The following CEP112 variants were observed in gnomAD, a reference collection of about 807,000 sequenced individuals.
CEP112 encodes the protein centrosomal protein of 112 kDa.
CEP112 carries 127 observed loss-of-function variants against 153.0 expected under a neutral mutation model. That is an observed-to-expected ratio of 0.83 (90% CI 0.72 to 0.96). CEP112 has a LOEUF of 0.96. Ranked by LOEUF, CEP112 falls within the 40% of genes least tolerant of loss-of-function variation. The pLI is 0.00. For synonymous variants in CEP112, 358 were observed against 374.4 expected (o/e 0.96, Z 0.51); for missense variants, 1,089 against 1,101.2 (o/e 0.99, Z 0.16).
At chr17:66,148,250 T>C (rs889293461) in intron 4 of CEP112, among the ~76,000 whole-genome samples, 1 of 152,124 alleles carries the variant, frequency 6.6e-6, no homozygotes, top group African/African-American at 2.4e-5. Context: ...AAGAACAGTA[T>C]GGAGGAAACA....
chr17:65,926,983 G>A (rs911236574), intron 19 of CEP112, among the ~76,000 whole-genome samples: 2 of 152,176 alleles, frequency 1.3e-5, no homozygotes, highest in African/African-American at 4.8e-5. Flanking sequence ...ATCTCATGTT[G>A]AAATGTAATC....
At chr17:65,728,568 T>C (rs900921162) in intron 23 of CEP112, among the ~76,000 whole-genome samples, 2 of 152,184 alleles carry the variant, frequency 1.3e-5, no homozygotes, top group African/African-American at 4.8e-5. Context: ...CCAGTGGTAC[T>C]TGAGTAAATG....
chr17:65,874,609 T>G (rs1330150100), intron 20 of CEP112, among the ~76,000 whole-genome samples: 2 of 152,132 alleles, frequency 1.3e-5, no homozygotes, highest in Non-Finnish European at 2.9e-5. Flanking sequence ...TTTGCTTCTC[T>G]CTTAAAATTT....
At chr17:65,667,114 G>A (rs2046733834) in intron 24 of CEP112, among the ~76,000 whole-genome samples, 1 of 152,170 alleles carries the variant, frequency 6.6e-6, no homozygotes, top group African/African-American at 2.4e-5. Flanking sequence ...TGGTGCTGGT[G>A]GGGCTGGGTC....
At chr17:66,167,238 AG>A (rs1278390549) in intron 4 of CEP112, among the ~76,000 whole-genome samples, 1 of 152,160 alleles carries the variant, frequency 6.6e-6, no homozygotes, top group Non-Finnish European at 1.5e-5. Flanking sequence ...TAATTAGGGA[AG>A]CAAAAGCATG....
intron 12 of CEP112, among the ~76,000 whole-genome samples, chr17:66,049,405 T>G (rs768058267): frequency 6.6e-5 from 10 of 152,198 alleles, no homozygotes; most frequent in Non-Finnish European, 1.0e-4. Flanking sequence ...ATTCTGAAGA[T>G]AAATTATGAG....
At position 65,756,887 on chromosome 17, in the gene CEP112, G is replaced by GGAGT. The variant is rs1193746399; in HGVS notation, c.2395-6167_2395-6164dup. Among the ~76,000 whole-genome samples, 7 of 152,246 alleles carry GGAGT rather than the reference G, an allele frequency of 4.6e-5. 1 individual carries two copies. The highest frequency in any genetic ancestry group is 1.7e-4 in the African/African-American group (7 of 41,532). ...TGAGTTAAGGGGAGGGCTATGTCAT[G>GGAGT]GAGTGAACTGTGTCCTCCCCAAATT... is the stretch of plus-strand genomic sequence containing the variant. On this transcript the variant is annotated intron_variant, in intron 21 of 26. Coordinates refer to ENST00000535342, the MANE Select transcript of CEP112 (RefSeq NM_001199165.4).
At chr17:65,852,964 C>A (rs1193028105) in intron 20 of CEP112, among the ~76,000 whole-genome samples, 1 of 152,082 alleles carries the variant, frequency 6.6e-6, no homozygotes, top group East Asian at 1.9e-4. Flanking sequence ...TTTTCATTAT[C>A]GTTTAGTTCA....
intron 24 of CEP112, chr17:65,644,484 G>A (rs562790395): frequency 1.9e-4 from 67 of 354,582 alleles, no homozygotes; most frequent in African/African-American, 1.3e-3. Context: ...AAACTGGATG[G>A]CAGCCAGCTC....
intron 21 of CEP112, among the ~76,000 whole-genome samples, chr17:65,791,333 C>T (rs190058029): frequency 3.9e-4 from 60 of 152,240 alleles, no homozygotes; most frequent in African/African-American, 1.3e-3. Flanking sequence ...AGGAGAAAAA[C>T]GCTTTTGAGC....
At chr17:66,096,975 C>T (rs2068373942) in intron 6 of CEP112, among the ~76,000 whole-genome samples, 1 of 152,178 alleles carries the variant, frequency 6.6e-6, no homozygotes, top group South Asian at 2.1e-4. Context: ...GCCTGTCCAC[C>T]TCTGAATTTC....
intron 18 of CEP112, among the ~76,000 whole-genome samples, chr17:65,930,346 A>G (rs1475898309): frequency 6.6e-6 from 1 of 152,262 alleles, no homozygotes; most frequent in African/African-American, 2.4e-5. Flanking sequence ...TCTAGGAACA[A>G]AGATGTTCAG....
chr17:66,112,544 T>C (rs1308028620), intron 6 of CEP112, among the ~76,000 whole-genome samples: 3 of 152,192 alleles, frequency 2.0e-5, no homozygotes, highest in Non-Finnish European at 4.4e-5. Context: ...GAAACACTAC[T>C]AGTGGGTACA....
rs904397100 is a variant in CEP112 at position 65,783,732 on chromosome 17, C to A, written c.2395-33008G>T. On this transcript the variant is annotated intron_variant, in intron 21 of 26. Transcript: ENST00000535342. Reference sequence around the variant, plus strand: ...GCCCATACAAAACATGTCTTATTTCCCCGTTCAGTTGACAAAAATAAGGTG... The same window carrying A: ...GCCCATACAAAACATGTCTTATTTCACCGTTCAGTTGACAAAAATAAGGTG... Among the ~76,000 whole-genome samples, 2 of 152,032 alleles carry A rather than the reference C, an allele frequency of 1.3e-5. 1 individual carries two copies. Among genetic ancestry groups the A allele is most frequent in the South Asian group, 4.2e-4 (2 of 4,812 alleles).
chr17:66,069,836 G>A (rs1200775963), intron 9 of CEP112, 79 bp downstream of exon 9: 2 of 741,896 alleles, frequency 2.7e-6, no homozygotes, highest in Non-Finnish European at 4.4e-6. Context: ...AAGAATGGAT[G>A]GATAACTGGA....
chr17:65,644,045 G>C (rs1015134499), intron 24 of CEP112, among the ~76,000 whole-genome samples: 1 of 152,092 alleles, frequency 6.6e-6, no homozygotes, highest in Admixed American at 6.5e-5. Context: ...TCTGCCTCTT[G>C]GTGTCAATGA....
intron 24 of CEP112, chr17:65,654,940 A>G (rs2045981250): frequency 1.6e-6 from 1 of 634,054 alleles, no homozygotes; most frequent in African/African-American, 1.8e-5. Flanking sequence ...TCCATCCTAA[A>G]GCACAAATTA....
At chr17:65,666,410 G>A (rs140899842) in intron 24 of CEP112, among the ~76,000 whole-genome samples, 1,586 of 152,278 alleles carry the variant, frequency 0.01, 11 homozygotes, top group Middle Eastern at 0.075. Context: ...CATTACTGAC[G>A]ATCTGCTGAT....
At chr17:65,681,061 G>A (rs1198399579) in intron 24 of CEP112, among the ~76,000 whole-genome samples, 1 of 152,178 alleles carries the variant, frequency 6.6e-6, no homozygotes, top group Non-Finnish European at 1.5e-5. Flanking sequence ...GTGCTGCAAA[G>A]GCACAGATAG....
Sources: gnomAD v4.1 joint callset for allele counts (sites outside exome capture counted in the v4.1 genomes callset) on GRCh38, gnomAD v4.1.1 for gene constraint, MANE v1.5 for transcripts, NCBI Gene and HGNC (gene_info 2026-07-23, HGNC 2026-07-21) for gene names.